NHS: variants seen among roughly 807,000 people sequenced by gnomAD.
NHS encodes actin remodeling regulator NHS.
NHS carries 5 observed loss-of-function variants against 72.5 expected under a neutral mutation model. That is an observed-to-expected ratio of 0.07 (90% CI 0.04 to 0.14). The LOEUF (loss-of-function observed/expected upper bound fraction) is 0.14. Among genes scored for constraint, NHS ranks in the 10% least tolerant of loss-of-function variants. NHS has a pLI of 1.00. For missense variants in NHS, 1,072 were observed against 1,355.7 expected, an observed-to-expected ratio of 0.79 and a Z score of 3.29; for synonymous variants, 464 against 547.7, an observed-to-expected ratio of 0.85 and a Z score of 2.13.
intron 1 of NHS, among the ~76,000 whole-genome samples, chrX:17,483,018 A>G (rs1477650250): frequency 1.2e-5 from 1 of 83,790 alleles, no homozygotes; most frequent in Non-Finnish European, 2.4e-5. Context: ...CTCCACTGCT[A>G]TCACCCAAGT....
intron 1 of NHS, among the ~76,000 whole-genome samples, chrX:17,534,575 G>A: frequency 9.0e-6 from 1 of 111,285 alleles, no homozygotes; most frequent in Admixed American, 9.5e-5. Flanking sequence ...CCCATAAATG[G>A]CAACTCCCCA....
chrX:17,672,905 T>C (rs761396643), intron 1 of NHS, among the ~76,000 whole-genome samples: 3 of 111,445 alleles, frequency 2.7e-5, no homozygotes, highest in Non-Finnish European at 3.8e-5. Context: ...AAGTCCTTAA[T>C]AACTCATTGA....
chrX:17,475,398 A>G lies in NHS; in HGVS notation c.565+99076A>G, dbSNP rs1246711899. Among the ~76,000 whole-genome samples, 3 of 112,691 alleles carry G rather than the reference A, an allele frequency of 2.7e-5. No homozygotes were observed. The East Asian group carries it at 8.4e-4, about 31-fold the overall frequency. On this transcript the variant is annotated intron_variant, in intron 1 of 8. Transcript: ENST00000676302. ...GCAGGCCTCGGCCTCCAGTTCTTTCAGATAATGACCTGCGGTTGCTGCAGA... is the reference window on the plus strand; with the variant it reads ...GCAGGCCTCGGCCTCCAGTTCTTTCGGATAATGACCTGCGGTTGCTGCAGA...
In NHS at chrX:17,561,572, G is replaced by GCACACA. The variant is rs1304131940; in HGVS notation, c.566-126169_566-126168insACACAC. On this transcript the variant is annotated intron_variant, in intron 1 of 8. Coordinates refer to ENST00000676302, the MANE Select transcript of NHS (RefSeq NM_001291867.2). ...TGCAAGTGCATGCGCGCGCGCGCGC[G>GCACACA]CGCACACACACACACACACACACAC... is the stretch of plus-strand genomic sequence containing the variant. Among the ~76,000 whole-genome samples, 156 of 60,197 alleles carry GCACACA rather than the reference G, an allele frequency of 2.6e-3. 1 individual carries two copies. Among genetic ancestry groups the GCACACA allele is most frequent in the African/African-American group, 9.0e-3 (125 of 13,938 alleles). The allele number at this position is 60,197 out of a possible 115,157, so 52.3% of individuals were successfully genotyped here. A position where few individuals can be genotyped will look rare whatever the true frequency, so the allele number is the denominator to read the frequency against.
intron 1 of NHS, among the ~76,000 whole-genome samples, chrX:17,526,366 G>A (rs997032331): frequency 1.8e-5 from 2 of 112,336 alleles, no homozygotes; most frequent in Non-Finnish European, 3.8e-5. Context: ...TGTTCCCCCT[G>A]GCAGTGTCCT....
chrX:17,641,715 G>A (rs1274474407), intron 1 of NHS, among the ~76,000 whole-genome samples: 1 of 107,916 alleles, frequency 9.3e-6, no homozygotes, highest in Non-Finnish European at 1.9e-5. Context: ...TGAAAGAACA[G>A]TAGAACCAAA....
chrX:17,715,363 C>T (rs1488868098), intron 3 of NHS, among the ~76,000 whole-genome samples: 3 of 112,484 alleles, frequency 2.7e-5, no homozygotes, highest in African/African-American at 6.5e-5. Context: ...TATTTCATTC[C>T]GTTTAATGGC....
intron 1 of NHS, among the ~76,000 whole-genome samples, chrX:17,416,066 GA>G (rs1244027582): frequency 3.6e-5 from 4 of 111,351 alleles, no homozygotes; most frequent in Non-Finnish European, 5.6e-5. Context: ...TCCATTTATG[GA>G]TGCCCTGTTC....
At chrX:17,647,251 G>A (rs1234600483) in intron 1 of NHS, among the ~76,000 whole-genome samples, 1 of 112,472 alleles carries the variant, frequency 8.9e-6, no homozygotes, top group Non-Finnish European at 1.9e-5. Flanking sequence ...GTAGAAACTG[G>A]TGGAAAGTCC....
intron 1 of NHS, among the ~76,000 whole-genome samples, chrX:17,523,132 G>A (rs1453089939): frequency 8.9e-6 from 1 of 112,435 alleles, no homozygotes; most frequent in African/African-American, 3.2e-5. Flanking sequence ...CATGAGTCTA[G>A]CATGTGTGCT....
At chrX:17,706,090 G>A (rs972555050) in intron 3 of NHS, among the ~76,000 whole-genome samples, 1 of 111,041 alleles carries the variant, frequency 9.0e-6, no homozygotes, top group Non-Finnish European at 1.9e-5. Flanking sequence ...TACTTAGGAG[G>A]TGGAGGTGGG....
intron 1 of NHS, among the ~76,000 whole-genome samples, chrX:17,386,830 G>A: frequency 9.0e-6 from 1 of 111,282 alleles, no homozygotes; most frequent in Non-Finnish European, 1.9e-5. Context: ...TATTCCATGT[G>A]TGCAGTTGGT....
chrX:17,683,807 G>A (rs2066143290), intron 1 of NHS, among the ~76,000 whole-genome samples: 2 of 111,775 alleles, frequency 1.8e-5, no homozygotes, highest in Admixed American at 1.9e-4. Context: ...CCTTTCTTGG[G>A]GAGCAGTAAC....
At chrX:17,688,296 T>A (rs903317709) in intron 2 of NHS, among the ~76,000 whole-genome samples, 2 of 111,550 alleles carry the variant, frequency 1.8e-5, no homozygotes, top group African/African-American at 6.5e-5. Flanking sequence ...ACTGGTACAT[T>A]CAGTATATAT....
At chrX:17,447,549 G>A (rs1283931950) in intron 1 of NHS, among the ~76,000 whole-genome samples, 1 of 111,101 alleles carries the variant, frequency 9.0e-6, no homozygotes, top group African/African-American at 3.3e-5. Flanking sequence ...ACACAGAACT[G>A]TTTTGGAAAA....
chrX:17,724,142 A>C (rs1334661792), intron 5 of NHS, among the ~76,000 whole-genome samples, 157 bp from the exon 6 acceptor site: 1 of 112,355 alleles, frequency 8.9e-6, no homozygotes, highest in Non-Finnish European at 1.9e-5. Flanking sequence ...ACTGCAGCAT[A>C]ATTTAAATAA....
chrX:17,654,667 C>G (rs781419265), intron 1 of NHS, among the ~76,000 whole-genome samples: 40 of 112,264 alleles, frequency 3.6e-4, no homozygotes, highest in Middle Eastern at 4.6e-3. Context: ...CTAAACATCC[C>G]TAGTTGAAAA....
At chrX:17,480,019 C>G (rs1339266937) in intron 1 of NHS, among the ~76,000 whole-genome samples, 70 of 111,461 alleles carry the variant, frequency 6.3e-4, no homozygotes, top group Non-Finnish European at 2.1e-4. Context: ...GGTTTGGACT[C>G]TCATTTGCAA....
At chrX:17,599,373 T>C (rs1396099106) in intron 1 of NHS, among the ~76,000 whole-genome samples, 3 of 111,748 alleles carry the variant, frequency 2.7e-5, no homozygotes, top group Non-Finnish European at 5.6e-5. Context: ...TTTGCTAACA[T>C]TTGGAATCTT....
Sources: allele counts gnomAD v4.1 joint callset (sites outside exome capture counted in the v4.1 genomes callset), GRCh38; gene constraint gnomAD v4.1.1; transcripts MANE v1.5; gene names NCBI Gene and HGNC (gene_info 2026-07-23, HGNC 2026-07-21).